Variants in AMZ1 observed in about 807,000 individuals in gnomAD.
AMZ1 encodes archaemetzincin-1.
In AMZ1, 39 loss-of-function variants were observed where a neutral mutation model predicts 29.9. The observed-to-expected ratio is 1.30, with a 90% CI of 1.01 to 1.70. AMZ1 has a LOEUF of 1.70. Among genes scored for constraint, AMZ1 ranks in the 40% most tolerant of loss-of-function variants. The probability of loss-of-function intolerance (pLI) is 0.00; values close to 1 mark genes in which losing one functional copy is unlikely to be tolerated. For missense variants in AMZ1, 1,041 were observed against 680.6 expected (o/e 1.53, Z -5.89); for synonymous variants, 458 against 304.0 (o/e 1.51, Z -5.27).
intron 3 of AMZ1, among the ~76,000 whole-genome samples, chr7:2,704,558 T>C (rs1487122833): frequency 1.3e-5 from 2 of 149,154 alleles, no homozygotes; most frequent in African/African-American, 5.0e-5. Context: ...CAGTTTCCAG[T>C]GGATTCTTTT....
intron 6 of AMZ1, among the ~76,000 whole-genome samples, chr7:2,710,581 G>A (rs1347033191): frequency 6.6e-6 from 1 of 152,180 alleles, no homozygotes; most frequent in Non-Finnish European, 1.5e-5. Context: ...CCTTCCTTCT[G>A]GGGTAGAGTG....
At chr7:2,689,757 G>T (rs1787277487) in intron 1 of AMZ1, among the ~76,000 whole-genome samples, 1 of 152,264 alleles carries the variant, frequency 6.6e-6, no homozygotes, top group Admixed American at 6.5e-5. Context: ...AGAGGAGGGG[G>T]ACACACTGTG....
At chr7:2,694,207 G>C (rs1366115369) in intron 1 of AMZ1, among the ~76,000 whole-genome samples, 1 of 152,208 alleles carries the variant, frequency 6.6e-6, no homozygotes, top group Non-Finnish European at 1.5e-5. Flanking sequence ...AATCCCTCCA[G>C]ACCCTGAATA....
intron 4 of AMZ1, among the ~76,000 whole-genome samples, chr7:2,736,002 G>C (rs1461646617): frequency 1.3e-5 from 2 of 152,162 alleles, no homozygotes; most frequent in African/African-American, 2.4e-5. Flanking sequence ...CACCAACAGA[G>C]ACTGGACAAT....
intron 3 of AMZ1, among the ~76,000 whole-genome samples, chr7:2,703,257 C>T (rs1486323697): frequency 6.6e-6 from 1 of 152,162 alleles, no homozygotes; most frequent in Admixed American, 6.5e-5. Context: ...GATTCTCCTG[C>T]CTCAGCCTTC....
intron 4 of AMZ1, among the ~76,000 whole-genome samples, chr7:2,745,812 G>A (rs1790736686): frequency 6.6e-6 from 1 of 152,172 alleles, no homozygotes; most frequent in African/African-American, 2.4e-5. Flanking sequence ...TCAAAATAAA[G>A]GGATGCAGGA....
chr7:2,722,171 GGCCATGAGTAGGT>G, downstream of AMZ1, among the ~76,000 whole-genome samples: 1 of 152,328 alleles, frequency 6.6e-6, no homozygotes, highest in East Asian at 1.9e-4. Flanking sequence ...AGGACACGGT[GGCCATGAGTAGGT>G]GCCAAGCTTA....
downstream of AMZ1, among the ~76,000 whole-genome samples, chr7:2,724,267 G>C (rs997837915): frequency 3.9e-5 from 6 of 152,224 alleles, no homozygotes; most frequent in Non-Finnish European, 8.8e-5. Flanking sequence ...AAGCCAGCTG[G>C]GGCTCACCAG....
At chr7:2,721,980 G>A (rs370319784), downstream of AMZ1, among the ~76,000 whole-genome samples, 27 of 152,332 alleles carry the variant, frequency 1.8e-4, no homozygotes, top group East Asian at 2.9e-3. Context: ...ATGGCCCGGC[G>A]CAGGTGGTGC....
At chr7:2,762,545 T>G (rs183714023), upstream of AMZ1, 1,144 of 1,318,786 alleles carry the variant, frequency 8.7e-4, no homozygotes, top group Admixed American at 2.8e-3. Context: ...CGCCTTCTAT[T>G]CTGGAGTTAG....
At chr7:2,702,375 G>T (rs1306362844) in intron 2 of AMZ1, 5 of 252,156 alleles carry the variant, frequency 2.0e-5, no homozygotes, top group Admixed American at 5.6e-5. Flanking sequence ...TTGCAGCGAG[G>T]TGGCTCGGCT....
rs578000384 is a variant in AMZ1, at chr7:2,712,208, G to T, written c.949-122G>T. 95 of 1,078,584 alleles carry T rather than the reference G, an allele frequency of 8.8e-5. 2 individuals are homozygous for T. In the South Asian group the frequency reaches 1.4e-3, roughly 16 times the overall value. 66.8% of individuals were successfully genotyped at this position (1,078,584 alleles called of 1,614,324 possible). A position where few individuals can be genotyped will look rare whatever the true frequency, so the allele number is the denominator to read the frequency against. On this transcript the variant is annotated intron_variant, in intron 6 of 6. Coordinates refer to ENST00000683327, the MANE Select transcript of AMZ1 (RefSeq NM_001384743.1). ...ACAAGAGCCCTCACACCACCAGCCT[G>T]ACTCCCGCCCCTGGGTAACTGAGGA...
intron 4 of AMZ1, among the ~76,000 whole-genome samples, chr7:2,735,147 C>T (rs979410790): frequency 1.3e-5 from 2 of 152,190 alleles, no homozygotes; most frequent in African/African-American, 4.8e-5. Context: ...TTCCTCAGCG[C>T]CTCTCTCTCC....
chr7:2,707,478 G>A (rs1029682282), intron 3 of AMZ1, among the ~76,000 whole-genome samples: 2 of 151,970 alleles, frequency 1.3e-5, no homozygotes. Flanking sequence ...CTGGGCTTCT[G>A]GTTTCCCGGC....
chr7:2,706,235 G>GT (rs1438216928), intron 3 of AMZ1, among the ~76,000 whole-genome samples: 1 of 152,166 alleles, frequency 6.6e-6, no homozygotes, highest in Non-Finnish European at 1.5e-5. Context: ...AAGCGCAGTG[G>GT]TGCGATCATA....
In AMZ1 at chr7:2,709,652, G is replaced by C; in HGVS notation, c.784G>C (p.Glu262Gln). The C allele has an allele frequency of 6.2e-7, 1 of 1,608,974 alleles. No homozygotes were observed. The highest frequency in any genetic ancestry group is 8.5e-7 in the Non-Finnish European group (1 of 1,178,556). The change falls in exon 6 of 7, where the codon GAG becomes CAG. Residue 262 changes from glutamate to glutamine, a missense_variant. Transcript: ENST00000683327. ...MVQCCKVTCH[E>Q]LCHLLGLGNC... is the part of the protein sequence containing the mutation. ...GCCTTCCCCCCAGGTCACGTGCCAC[G>C]AGCTCTGCCACCTTCTGGGCCTGGG...
intron 1 of AMZ1, among the ~76,000 whole-genome samples, chr7:2,688,766 T>C (rs6971405): frequency 0.012 from 1,748 of 151,980 alleles, 39 homozygotes; most frequent in African/African-American, 0.039. Flanking sequence ...CCGCAGCCTG[T>C]GTATGAGCCG....
intron 1 of AMZ1, among the ~76,000 whole-genome samples, chr7:2,681,888 CAG>C (rs1305693814): frequency 6.6e-6 from 1 of 152,162 alleles, no homozygotes; most frequent in Non-Finnish European, 1.5e-5. Flanking sequence ...GACAGACAGA[CAG>C]ACAGAGAGAT....
At chr7:2,696,976 G>A (rs924953778) in intron 1 of AMZ1, among the ~76,000 whole-genome samples, 1 of 152,198 alleles carries the variant, frequency 6.6e-6, no homozygotes, top group Non-Finnish European at 1.5e-5. Context: ...TACAAATCAC[G>A]ATCCTTCAAA....
Sources: gnomAD v4.1 joint callset for allele counts (sites outside exome capture counted in the v4.1 genomes callset) on GRCh38, gnomAD v4.1.1 for gene constraint, MANE v1.5 for transcripts, NCBI Gene and HGNC (gene_info 2026-07-23, HGNC 2026-07-21) for gene names.